The following SLC25A17 variants were observed in gnomAD, a reference collection of about 807,000 sequenced individuals.
SLC25A17 encodes solute carrier family 25 member 17.
Under a neutral mutation model 38.5 loss-of-function variants are expected in SLC25A17, and 26 were observed. The ratio of observed to expected loss-of-function variants is 0.68; its 90% CI spans 0.50 to 0.94. The LOEUF (loss-of-function observed/expected upper bound fraction) is 0.94, where lower values mean the gene tolerates loss of function less well. Among genes scored for constraint, SLC25A17 ranks in the 40% least tolerant of loss-of-function variants. The pLI, the probability that SLC25A17 is intolerant of heterozygous loss-of-function variation, is 0.00. For synonymous variants in SLC25A17, 139 were observed against 136.2 expected (o/e 1.02, Z -0.14); for missense variants, 333 against 372.7 (o/e 0.89, Z 0.88).
chr22:40,817,885 C>T (rs984202612), intron 1 of SLC25A17, among the ~76,000 whole-genome samples: 1 of 152,218 alleles, frequency 6.6e-6, no homozygotes, highest in East Asian at 1.9e-4. Context: ...TAAAGCAAGT[C>T]ACGCAAGCGT....
At chr22:40,809,093 G>A (rs987797150) in intron 1 of SLC25A17, among the ~76,000 whole-genome samples, 1 of 151,732 alleles carries the variant, frequency 6.6e-6, no homozygotes, top group Non-Finnish European at 1.5e-5. Flanking sequence ...AACATGTAAT[G>A]GATGTATTTT....
At position 40,770,583 on chromosome 22, in the gene SLC25A17, T is replaced by C. The variant is rs994768104; in HGVS notation, c.*251A>G. The C allele has an allele frequency of 1.3e-5, 4 of 305,024 alleles. No individual in the cohort carries two copies. The highest frequency in any genetic ancestry group is 4.3e-5 in the African/African-American group (2 of 46,724). 18.9% of individuals were successfully genotyped at this position (305,024 alleles called of 1,614,324 possible). ...ACCAATAAACACTCACAAACTTTCA[T>C]TTTTAGGTTTTCAGCAATGTTTTTT... On this transcript the variant is annotated 3_prime_UTR_variant, in exon 9 of 9. Transcript: ENST00000435456.
At chr22:40,790,993 C>T (rs2145673279) in intron 4 of SLC25A17, among the ~76,000 whole-genome samples, 1 of 152,218 alleles carries the variant, frequency 6.6e-6, no homozygotes. Context: ...TTCTTTGAGT[C>T]GTGATACTCT....
At chr22:40,803,846 G>T (rs1227681648) in intron 1 of SLC25A17, among the ~76,000 whole-genome samples, 1 of 147,402 alleles carries the variant, frequency 6.8e-6, no homozygotes. Context: ...TAATGGCTAA[G>T]TTGGAAAGTG....
chr22:40,791,743 G>T (rs1308145398), intron 4 of SLC25A17, among the ~76,000 whole-genome samples: 1 of 152,136 alleles, frequency 6.6e-6, no homozygotes, highest in Non-Finnish European at 1.5e-5. Flanking sequence ...CAGAAAGTAA[G>T]TGTTAGTGAG....
chr22:40,819,114 C>A, intron 1 of SLC25A17, 81 bp downstream of exon 1: 1 of 1,463,822 alleles, frequency 6.8e-7, no homozygotes, highest in Non-Finnish European at 9.5e-7. Context: ...CTCTCAGACC[C>A]ATCCCTCAGG....
intron 4 of SLC25A17, among the ~76,000 whole-genome samples, chr22:40,783,270 T>C (rs116726351): frequency 2.2e-4 from 34 of 152,262 alleles, no homozygotes; most frequent in African/African-American, 8.2e-4. Context: ...GGAAAATTAT[T>C]TGTTGTGTGT....
intron 1 of SLC25A17, among the ~76,000 whole-genome samples, chr22:40,817,755 A>C (rs5750994): frequency 0.028 from 4,255 of 152,202 alleles, 230 homozygotes; most frequent in East Asian, 0.21. Flanking sequence ...ATCACGTTTA[A>C]AGGTAAATCA....
intron 1 of SLC25A17, among the ~76,000 whole-genome samples, chr22:40,811,901 A>G (rs909900709): frequency 5.9e-5 from 9 of 152,100 alleles, no homozygotes; most frequent in Non-Finnish European, 1.3e-4. Flanking sequence ...TGAGATTTGG[A>G]GGGGTCAAAC....
At chr22:40,808,634 G>A (rs1047026354) in intron 1 of SLC25A17, among the ~76,000 whole-genome samples, 1 of 152,196 alleles carries the variant, frequency 6.6e-6, no homozygotes, top group Non-Finnish European at 1.5e-5. Context: ...CTCATGCTAC[G>A]CATCTCTGTA....
At chr22:40,772,893 C>T (rs1404464449) in intron 8 of SLC25A17, among the ~76,000 whole-genome samples, 2 of 152,112 alleles carry the variant, frequency 1.3e-5, no homozygotes, top group African/African-American at 2.4e-5. Context: ...CCTGTCTCAG[C>T]CTTCCAAAGT....
chr22:40,814,373 C>T (rs527555878), intron 1 of SLC25A17, among the ~76,000 whole-genome samples: 15 of 152,290 alleles, frequency 9.8e-5, no homozygotes, highest in African/African-American at 3.1e-4. Flanking sequence ...TCACTCTCCC[C>T]GGACTGGTTA....
At chr22:40,813,822 T>C (rs536637515) in intron 1 of SLC25A17, 2 of 152,428 alleles carry the variant, frequency 1.3e-5, no homozygotes, top group Non-Finnish European at 2.9e-5. Flanking sequence ...TTTATAGCTA[T>C]AGTATCTGTT....
chr22:40,784,784 C>CAAAAAAAAA (rs71200616), intron 4 of SLC25A17, among the ~76,000 whole-genome samples: 115 of 96,200 alleles, frequency 1.2e-3, no homozygotes, highest in African/African-American at 1.7e-3. Context: ...TCAACAACAA[C>CAAAAAAAAA]AAAAAAAAAA....
chr22:40,815,122 A>G (rs965488083), intron 1 of SLC25A17, among the ~76,000 whole-genome samples: 1 of 152,092 alleles, frequency 6.6e-6, no homozygotes, highest in Non-Finnish European at 1.5e-5. Flanking sequence ...CCCGGCCCAG[A>G]ATATTCTTTA....
chr22:40,789,633 A>G lies in SLC25A17; in HGVS notation c.334+2892T>C, dbSNP rs1380973330. 6.6e-6 allele frequency among the ~76,000 whole-genome samples: 1 copy of G among 151,596 alleles called. No homozygotes were observed. Among genetic ancestry groups the G allele is most frequent in the African/African-American group, 2.4e-5 (1 of 41,238 alleles). ...ACAATTCTCCTGCCTCAGTCTCCCA[A>G]GTAGGTGGAATTACAGGCACCTGCT... On this transcript the variant is annotated intron_variant, in intron 4 of 8. Coordinates refer to ENST00000435456, the MANE Select transcript of SLC25A17 (RefSeq NM_006358.4). The surrounding 1 kb of genome is among the most constrained non-coding windows in gnomAD (Gnocchi z 4.5).
chr22:40,794,217 TA>T (rs1035145021), intron 3 of SLC25A17, among the ~76,000 whole-genome samples: 1 of 152,212 alleles, frequency 6.6e-6, no homozygotes, highest in Admixed American at 6.5e-5. Flanking sequence ...AAACAACTAT[TA>T]TTTTTTTTTC....
chr22:40,776,735 C>A (rs1027442809), intron 7 of SLC25A17, among the ~76,000 whole-genome samples: 1 of 151,956 alleles, frequency 6.6e-6, no homozygotes, highest in African/African-American at 2.4e-5. Context: ...CATCTTCACA[C>A]AAAAAAATTT....
intron 1 of SLC25A17, among the ~76,000 whole-genome samples, chr22:40,816,747 A>T (rs758461165): frequency 2.6e-5 from 4 of 151,756 alleles, no homozygotes; most frequent in Admixed American, 6.6e-5. Context: ...AGTAGCTGGG[A>T]TTACAGGCGC....
Sources: allele counts gnomAD v4.1 joint callset (sites outside exome capture counted in the v4.1 genomes callset), GRCh38; gene constraint gnomAD v4.1.1; non-coding constraint Gnocchi (gnomAD v3.1); transcripts MANE v1.5; gene names NCBI Gene and HGNC (gene_info 2026-07-23, HGNC 2026-07-21).